EPB41: variants seen among roughly 807,000 people sequenced by gnomAD.
The protein encoded by EPB41 is erythrocyte membrane protein band 4.1.
EPB41 carries 65 observed loss-of-function variants against 108.0 expected under a neutral mutation model. The ratio of observed to expected loss-of-function variants is 0.60; its 90% CI spans 0.49 to 0.74. EPB41 has a LOEUF of 0.74. Among genes scored for constraint, EPB41 ranks in the 30% least tolerant of loss-of-function variants. The pLI, the probability that EPB41 is intolerant of heterozygous loss-of-function variation, is 0.00. For synonymous variants in EPB41, 336 were observed against 358.9 expected, an observed-to-expected ratio of 0.94 and a Z score of 0.72; for missense variants, 875 against 1,037.0, an observed-to-expected ratio of 0.84 and a Z score of 2.15.
intron 1 of EPB41, among the ~76,000 whole-genome samples, chr1:28,986,986 A>G (rs185735163): frequency 5.8e-4 from 89 of 152,320 alleles, no homozygotes; most frequent in African/African-American, 2.0e-3. Context: ...GACTGGGGGA[A>G]CTTTTAAATT....
At chr1:28,967,924 C>T (rs2149253628) in intron 1 of EPB41, among the ~76,000 whole-genome samples, 1 of 151,604 alleles carries the variant, frequency 6.6e-6, no homozygotes. Context: ...CATTCCTCAA[C>T]CTCCTGAATA....
At chr1:28,992,364 C>G (rs921150298) in intron 2 of EPB41, among the ~76,000 whole-genome samples, 1 of 152,092 alleles carries the variant, frequency 6.6e-6, no homozygotes, top group South Asian at 2.1e-4. Context: ...AAAAATATGT[C>G]GGTAGTTTTG....
At chr1:29,066,079 C>G (rs1647533505) in intron 16 of EPB41, 1 of 151,874 alleles carries the variant, frequency 6.6e-6, no homozygotes, top group Non-Finnish European at 1.5e-5. Context: ...TCAGAGATAC[C>G]TTTCAGGGGC....
rs145317826 is a variant in EPB41, at chr1:29,028,034, G to T, written c.1125-2366G>T. Among the ~76,000 whole-genome samples, 465 of 151,968 alleles carry T rather than the reference G, an allele frequency of 3.1e-3. 3 individuals carry two copies. The highest frequency in any genetic ancestry group is 0.011 in the African/African-American group (440 of 41,440). ...AGACGGGGTTTCTCCGTGTTGGTCA[G>T]ACTGGTCTTGAACTCCCTACCTCAG... On this transcript the variant is annotated intron_variant, in intron 7 of 20. Transcript: ENST00000343067.
intron 2 of EPB41, chr1:28,989,470 GA>G (rs977791095): frequency 3.6e-5 from 31 of 858,372 alleles, no homozygotes; most frequent in East Asian, 1.2e-4. Context: ...GTGTTGGGGG[GA>G]AAAAAGTAAA....
At chr1:28,937,748 A>G (rs932726638) in intron 1 of EPB41, among the ~76,000 whole-genome samples, 1 of 152,216 alleles carries the variant, frequency 6.6e-6, no homozygotes, top group Non-Finnish European at 1.5e-5. Context: ...TGTTTTTGGT[A>G]TCATATGTAA....
At chr1:28,960,280 G>A (rs1265335280) in intron 1 of EPB41, among the ~76,000 whole-genome samples, 1 of 151,580 alleles carries the variant, frequency 6.6e-6, no homozygotes, top group African/African-American at 2.4e-5. Context: ...CAAAGTGTTG[G>A]GATTACAGGT....
chr1:29,056,572 C>A (rs1309391255), intron 12 of EPB41, among the ~76,000 whole-genome samples: 1 of 152,034 alleles, frequency 6.6e-6, no homozygotes, highest in Non-Finnish European at 1.5e-5. Context: ...GTCACCCAGG[C>A]TGGAGTGCAA....
chr1:28,951,547 T>C (rs571103982), intron 1 of EPB41, among the ~76,000 whole-genome samples: 7 of 152,276 alleles, frequency 4.6e-5, no homozygotes, highest in African/African-American at 1.7e-4. Flanking sequence ...AAAGGTACTA[T>C]GCACATTGTT....
chr1:28,887,275 A>AACCT lies in EPB41; in HGVS notation c.-8+69_-8+72dup. 1.6e-6 allele frequency: 2 copies of AACCT among 1,258,182 alleles called. No individual in the cohort carries two copies. The highest frequency in any genetic ancestry group is 2.1e-6 in the Non-Finnish European group (2 of 973,250). The allele number at this position is 1,258,182 out of a possible 1,614,324, so 77.9% of individuals were successfully genotyped here. ...GGAGGGACGGGGTTAGGGACAGAAG[A>AACCT]ACCTACCCCCAAGGGCTCGGACCGT... On this transcript the variant is annotated intron_variant, in intron 1 of 16. Transcript: ENST00000347529. The surrounding 1 kb of genome is among the most constrained non-coding windows in gnomAD (Gnocchi z 4.9).
At chr1:28,967,573 C>A (rs1009295457) in intron 1 of EPB41, among the ~76,000 whole-genome samples, 1 of 152,022 alleles carries the variant, frequency 6.6e-6, no homozygotes, top group Non-Finnish European at 1.5e-5. Flanking sequence ...TTCTTTCTCC[C>A]CCTTCATTTT....
At chr1:29,044,806 C>T (rs762746871) in intron 11 of EPB41, among the ~76,000 whole-genome samples, 34 of 152,118 alleles carry the variant, frequency 2.2e-4, no homozygotes, top group Non-Finnish European at 3.4e-4. Flanking sequence ...GAGCTGAGAT[C>T]GCGCCTGCAC....
chr1:29,032,182 G>A (rs1200066364), intron 8 of EPB41, among the ~76,000 whole-genome samples: 3 of 151,562 alleles, frequency 2.0e-5, no homozygotes, highest in African/African-American at 7.3e-5. Flanking sequence ...AAAGTATATT[G>A]TAGGAAGATC....
chr1:29,019,685 A>G (rs2096619359), intron 7 of EPB41, among the ~76,000 whole-genome samples: 1 of 152,194 alleles, frequency 6.6e-6, no homozygotes, highest in African/African-American at 2.4e-5. Flanking sequence ...AGTAAAAATT[A>G]TTCTTTCCAG....
chr1:29,105,384 C>T (rs1666788000), intron 17 of EPB41, among the ~76,000 whole-genome samples: 1 of 151,854 alleles, frequency 6.6e-6, no homozygotes, highest in Non-Finnish European at 1.5e-5. Flanking sequence ...ATTACAGGTG[C>T]CCACCACTTC....
intron 1 of EPB41, among the ~76,000 whole-genome samples, chr1:28,941,641 A>T (rs574731581): frequency 3.9e-5 from 6 of 152,332 alleles, no homozygotes; most frequent in Non-Finnish European, 8.8e-5. Context: ...CACGCCAGTA[A>T]TCCCAGCACT....
chr1:29,055,949 AAAAAG>A (rs1400653116), intron 12 of EPB41, among the ~76,000 whole-genome samples: 1 of 145,768 alleles, frequency 6.9e-6, no homozygotes, highest in Non-Finnish European at 1.5e-5. Flanking sequence ...AAAAAAAAAA[AAAAAG>A]GGCCGGGCGC....
intron 1 of EPB41, among the ~76,000 whole-genome samples, chr1:28,939,365 T>C (rs551032505): frequency 6.6e-6 from 1 of 152,314 alleles, no homozygotes; most frequent in South Asian, 2.1e-4. Context: ...TCATGGTATG[T>C]AATTGTTTTT....
At chr1:28,898,638 C>T (rs528057529) in intron 1 of EPB41, among the ~76,000 whole-genome samples, 2 of 152,342 alleles carry the variant, frequency 1.3e-5, no homozygotes, top group African/African-American at 4.8e-5. Context: ...CCTCTCCTGG[C>T]AGCCCGTTCT....
Sources: allele counts gnomAD v4.1 joint callset (sites outside exome capture counted in the v4.1 genomes callset), GRCh38; gene constraint gnomAD v4.1.1; non-coding constraint Gnocchi (gnomAD v3.1); transcripts MANE v1.5; gene names NCBI Gene and HGNC (gene_info 2026-07-23, HGNC 2026-07-21).